SHROOM4: variants seen among roughly 807,000 people sequenced by gnomAD.
The protein encoded by SHROOM4 is protein Shroom4.
In SHROOM4, 17 loss-of-function variants were observed where a neutral mutation model predicts 80.3. The observed-to-expected ratio is 0.21, with a 90% CI of 0.14 to 0.32. The LOEUF is 0.32. Among genes scored for constraint, SHROOM4 ranks in the 10% least tolerant of loss-of-function variants. The pLI is 1.00. For missense variants in SHROOM4, 993 were observed against 1,140.3 expected (o/e 0.87, Z 1.86); for synonymous variants, 400 against 437.5 (o/e 0.91, Z 1.07).
At chrX:50,716,486 A>C (rs1933958030) in intron 1 of SHROOM4, among the ~76,000 whole-genome samples, 2 of 111,930 alleles carry the variant, frequency 1.8e-5, no homozygotes, top group Admixed American at 1.9e-4. Flanking sequence ...GTCAATTAAA[A>C]ATAATTTTTT....
chrX:50,737,406 T>C (rs1557266778), intron 1 of SHROOM4, among the ~76,000 whole-genome samples: 1 of 111,185 alleles, frequency 9.0e-6, no homozygotes, highest in East Asian at 2.8e-4. Context: ...TCAAAAGGCA[T>C]AGACTGTCAG....
chrX:50,675,937 C>T (rs781948325), intron 2 of SHROOM4, among the ~76,000 whole-genome samples: 1 of 111,823 alleles, frequency 8.9e-6, no homozygotes, highest in East Asian at 2.8e-4. Flanking sequence ...CCCTTCTCTT[C>T]TATCTCCACA....
intron 1 of SHROOM4, among the ~76,000 whole-genome samples, chrX:50,747,511 A>T (rs1934798810): frequency 8.9e-6 from 1 of 111,754 alleles, no homozygotes. Context: ...TTGTAATATT[A>T]AAAAAAAGTT....
intron 5 of SHROOM4, among the ~76,000 whole-genome samples, chrX:50,612,703 A>C (rs1387194642): frequency 8.9e-6 from 1 of 111,866 alleles, no homozygotes; most frequent in Non-Finnish European, 1.9e-5. Context: ...TTCATCCTAG[A>C]AATGTAAGAC....
At chrX:50,649,575 T>C (rs1177054930) in intron 2 of SHROOM4, 1 of 112,024 alleles carries the variant, frequency 8.9e-6, no homozygotes, top group Non-Finnish European at 1.9e-5. Flanking sequence ...GGAATGGAAA[T>C]GGGTACACAC....
chrX:50,610,732 C>T (rs1557249675), intron 5 of SHROOM4, among the ~76,000 whole-genome samples: 1 of 111,562 alleles, frequency 9.0e-6, no homozygotes, highest in South Asian at 3.8e-4. Context: ...ATACTCATTT[C>T]ATACATAAGT....
chrX:50,747,720 G>C (rs782155143), intron 1 of SHROOM4, among the ~76,000 whole-genome samples: 1 of 112,032 alleles, frequency 8.9e-6, no homozygotes, highest in South Asian at 3.8e-4. Context: ...ATGGAATAGG[G>C]CTACTTGGCT....
chrX:50,698,097 A>G (rs1417274348), intron 1 of SHROOM4, among the ~76,000 whole-genome samples: 4 of 112,518 alleles, frequency 3.6e-5, no homozygotes, highest in Non-Finnish European at 5.6e-5. Flanking sequence ...CTTCCCCTCA[A>G]TATGTATTAA....
chrX:50,754,172 T>G (rs782267834), intron 1 of SHROOM4, among the ~76,000 whole-genome samples: 4 of 111,908 alleles, frequency 3.6e-5, no homozygotes, highest in African/African-American at 1.3e-4. Flanking sequence ...GATCCTTAGC[T>G]GAGAAAAATG....
intron 2 of SHROOM4, chrX:50,649,817 A>G (rs782027036): frequency 8.9e-6 from 1 of 112,486 alleles, no homozygotes; most frequent in Non-Finnish European, 1.9e-5. Context: ...GAAATAGTGA[A>G]TTTTATGGTA....
rs1931202178 is a variant in SHROOM4 at position 50,633,997 on chromosome X, G to T, written c.2076C>A (p.Gly692=). 2 of 1,211,817 alleles carry T rather than the reference G, an allele frequency of 1.7e-6. No individual in the cohort carries two copies. Among genetic ancestry groups the T allele is most frequent in the Non-Finnish European group, 2.2e-6 (2 of 895,434 alleles). Residue 692 remains glycine (G), a synonymous_variant, in exon 4 of 9, where the codon GGC becomes GGA. Coordinates refer to ENST00000376020, the MANE Select transcript of SHROOM4 (RefSeq NM_020717.5). ...AGGTGTTCAGGCCCAAAGAGGACTG[G>T]CCAGGCCTCTGGCCAGGGCTTATTC... ...EGRISPGQRP[G]QSSLGLNTWW...
intron 1 of SHROOM4, among the ~76,000 whole-genome samples, chrX:50,769,636 A>G (rs1935356299): frequency 9.0e-6 from 1 of 111,635 alleles, no homozygotes; most frequent in Admixed American, 9.5e-5. Flanking sequence ...CTCTGGAAAC[A>G]AGACCTCCTG....
chrX:50,731,573 A>G (rs1256118969), intron 1 of SHROOM4, among the ~76,000 whole-genome samples: 2 of 111,999 alleles, frequency 1.8e-5, no homozygotes, highest in African/African-American at 3.2e-5. Context: ...CAGAGCTCCA[A>G]TAGCCCTTCT....
intron 2 of SHROOM4, among the ~76,000 whole-genome samples, chrX:50,693,279 A>T (rs143743873): frequency 4.6e-4 from 51 of 111,212 alleles, no homozygotes; most frequent in African/African-American, 1.6e-3. Flanking sequence ...TGAAAGTAAG[A>T]GGTTTGGCCG....
chrX:50,660,506 G>A (rs1932456760), intron 2 of SHROOM4, among the ~76,000 whole-genome samples: 1 of 91,510 alleles, frequency 1.1e-5, no homozygotes, highest in African/African-American at 4.7e-5. Flanking sequence ...TAAGTGTTGA[G>A]CTTCTCTCTC....
intron 1 of SHROOM4, among the ~76,000 whole-genome samples, chrX:50,710,557 G>A (rs782681265): frequency 9.0e-6 from 1 of 110,983 alleles, no homozygotes; most frequent in African/African-American, 3.3e-5. Context: ...TAACTATTGG[G>A]TACTATGCTT....
Position 50,589,055 on chromosome X carries a change from T to G in SHROOM4, c.*7640A>C. On this transcript the variant is annotated 3_prime_UTR_variant, in exon 9 of 9. Coordinates refer to ENST00000376020, the MANE Select transcript of SHROOM4 (RefSeq NM_020717.5). Reference sequence around the variant, plus strand: ...CCAATAGTAGTCCCTCCCATCTCTCTTATTTTTGCTGAAGTCTTAGTACAA... The same window carrying G: ...CCAATAGTAGTCCCTCCCATCTCTCGTATTTTTGCTGAAGTCTTAGTACAA... Among the ~76,000 whole-genome samples the G allele has an allele frequency of 8.9e-6, 1 of 112,070 alleles. No individual in the cohort carries two copies.
intron 1 of SHROOM4, among the ~76,000 whole-genome samples, chrX:50,787,264 A>G (rs782776967): frequency 2.7e-5 from 3 of 110,495 alleles, no homozygotes; most frequent in Non-Finnish European, 5.7e-5. Context: ...TGAAGAATAT[A>G]ATAACTGAAC....
chrX:50,670,761 T>C (rs1320117232), intron 2 of SHROOM4, among the ~76,000 whole-genome samples: 1 of 111,977 alleles, frequency 8.9e-6, no homozygotes, highest in African/African-American at 3.2e-5. Flanking sequence ...CCACATCCTC[T>C]CCAGCATCTG....
Sources: allele counts gnomAD v4.1 joint callset (sites outside exome capture counted in the v4.1 genomes callset), GRCh38; gene constraint gnomAD v4.1.1; transcripts MANE v1.5; gene names NCBI Gene and HGNC (gene_info 2026-07-23, HGNC 2026-07-21).